The following ZC3HC1 variants were observed in gnomAD, a reference collection of about 807,000 sequenced individuals.
ZC3HC1 encodes zinc finger C3HC-type protein 1.
Under a neutral mutation model 61.9 loss-of-function variants are expected in ZC3HC1, and 38 were observed. That is an observed-to-expected ratio of 0.61 (90% CI 0.47 to 0.81). The LOEUF (loss-of-function observed/expected upper bound fraction) is 0.81. Ranked by LOEUF, ZC3HC1 falls within the 30% of genes least tolerant of loss-of-function variation. The probability of loss-of-function intolerance (pLI) is 0.00; values close to 1 mark genes in which losing one functional copy is unlikely to be tolerated. For missense variants in ZC3HC1, 554 were observed against 622.7 expected, an observed-to-expected ratio of 0.89 and a Z score of 1.17; for synonymous variants, 213 against 229.9, an observed-to-expected ratio of 0.93 and a Z score of 0.67.
At position 130,024,325 on chromosome 7, in the gene ZC3HC1, C is replaced by G. The variant is rs760810708; in HGVS notation, c.958G>C (p.Glu320Gln). The change falls in exon 7 of 10, where the codon GAA becomes CAA. Residue 320 changes from glutamate (E) to glutamine (Q), a missense_variant. Coordinates refer to ENST00000358303, the MANE Select transcript of ZC3HC1 (RefSeq NM_016478.5). The part of the protein sequence containing the change: ...GRPERLPLVP[E>Q]SPRRMMTRSQ... ...CGGGTCATCATCCTCCGAGGAGATTCAGGCACCAGAGGTAAGCGCTCTGGT... is the reference window on the plus strand; with the variant it reads ...CGGGTCATCATCCTCCGAGGAGATTGAGGCACCAGAGGTAAGCGCTCTGGT... The G allele has an allele frequency of 6.2e-7, 1 of 1,613,998 alleles. No homozygotes were observed. The highest frequency in any genetic ancestry group is 8.5e-7 in the Non-Finnish European group (1 of 1,180,022).
intron 2 of ZC3HC1, among the ~76,000 whole-genome samples, chr7:130,048,097 A>G (rs1794935396): frequency 6.6e-6 from 1 of 151,448 alleles, no homozygotes; most frequent in Non-Finnish European, 1.5e-5. Context: ...GAATCCTGCC[A>G]ACAGTATGCC....
At position 130,049,133 on chromosome 7, in the gene ZC3HC1, G is replaced by A; in HGVS notation, c.158C>T (p.Ser53Phe). The A allele has an allele frequency of 6.3e-7, 1 of 1,596,844 alleles. No homozygotes were observed. Among genetic ancestry groups the A allele is most frequent in the South Asian group, 1.2e-5 (1 of 86,804 alleles). ...TCCATTAACTGACTGGGATGTGGCA[G>A]ACGTGTCCTTCCTAATATAAAGTGG... is the stretch of plus-strand genomic sequence containing the variant. ...EEGGVDAKDT[S>F]ATSQSVNGSP... Residue 53 changes from serine to phenylalanine, a missense_variant, in exon 2 of 10, where the codon TCT becomes TTT. Coordinates refer to ENST00000358303, the MANE Select transcript of ZC3HC1 (RefSeq NM_016478.5).
In ZC3HC1 at chr7:130,024,312, C is replaced by T. The variant is rs1793785482; in HGVS notation, c.971G>A (p.Arg324Lys). The T allele has an allele frequency of 6.2e-7, 1 of 1,613,954 alleles. No individual in the cohort carries two copies. The highest frequency in any genetic ancestry group is 1.7e-5 in the Admixed American group (1 of 59,962). ...RLPLVPESPR[R>K]MMTRSQDATF... ...GGCATCCTGGCTCCGGGTCATCATC[C>T]TCCGAGGAGATTCAGGCACCAGAGG... Residue 324 changes from arginine to lysine, a missense_variant, in exon 7 of 10, where the codon AGG becomes AAG. Arg to Lys is a conservative substitution (Grantham distance 26). Transcript: ENST00000358303.
rs147795472 is a variant in ZC3HC1 at position 130,035,139 on chromosome 7, T to C, written c.493+4325A>G. Among the ~76,000 whole-genome samples the C allele has an allele frequency of 1.4e-4, 22 of 152,130 alleles. No individual in the cohort carries two copies. In the East Asian group the frequency reaches 3.9e-3, roughly 27 times the overall value. ...GCACAGTGGTTCACGCTTGTAATCA[T>C]AGCACTTTGGGAGGCCGAGGAGAGT... On this transcript the variant is annotated intron_variant, in intron 4 of 9. Transcript: ENST00000358303.
intron 2 of ZC3HC1, among the ~76,000 whole-genome samples, chr7:130,042,124 G>A (rs1477774962): frequency 2.6e-5 from 4 of 151,700 alleles, no homozygotes; most frequent in Non-Finnish European, 4.4e-5. Flanking sequence ...GCAACACGGC[G>A]ACACCTCATC....
rs1793917052 is a variant in ZC3HC1 at position 130,026,513 on chromosome 7, G to T, written c.622-201C>A. The T allele has an allele frequency of 1.5e-5, 7 of 467,362 alleles. 1 individual carries two copies. In the South Asian group the frequency reaches 2.9e-4, roughly 20 times the overall value. 29.0% of individuals were successfully genotyped at this position (467,362 alleles called of 1,614,324 possible). On this transcript the variant is annotated intron_variant, in intron 5 of 9. Transcript: ENST00000358303. ...AAGCTTTCTGAATTGCCCTGAATCT[G>T]CTGACTGAGAAAGATGGAGTCTCCC...
chr7:130,049,885 G>T (rs1795009209), intron 1 of ZC3HC1, among the ~76,000 whole-genome samples: 2 of 148,888 alleles, frequency 1.3e-5, no homozygotes, highest in Non-Finnish European at 3.0e-5. Flanking sequence ...AAACAATTTT[G>T]ATATTTCTAC....
intron 4 of ZC3HC1, among the ~76,000 whole-genome samples, chr7:130,029,762 A>G (rs188504946): frequency 8.5e-4 from 130 of 152,296 alleles, no homozygotes; most frequent in South Asian, 4.6e-3. Context: ...AACAGAACAG[A>G]GTTAGTGGAG....
chr7:130,048,301 C>A (rs1161633961), intron 2 of ZC3HC1, among the ~76,000 whole-genome samples: 1 of 151,970 alleles, frequency 6.6e-6, no homozygotes, highest in Non-Finnish European at 1.5e-5. Context: ...AAGTGAGCAC[C>A]ACCACACCTG....
intron 4 of ZC3HC1, among the ~76,000 whole-genome samples, chr7:130,034,537 C>A (rs951087977): frequency 6.8e-6 from 1 of 147,578 alleles, no homozygotes; most frequent in Admixed American, 6.8e-5. Flanking sequence ...CTCTGTCATG[C>A]AGGCTGGAAG....
At chr7:130,047,610 T>G (rs1880621) in intron 2 of ZC3HC1, among the ~76,000 whole-genome samples, 1 of 151,250 alleles carries the variant, frequency 6.6e-6, no homozygotes, top group Non-Finnish European at 1.5e-5. Context: ...GTTCGAGACC[T>G]GCCTGGGCAA....
At chr7:130,048,143 G>GTTTTTTTTTTTTTTTTTTTTTTTTT (rs11364921) in intron 2 of ZC3HC1, among the ~76,000 whole-genome samples, 1 of 73,736 alleles carries the variant, frequency 1.4e-5, no homozygotes. Context: ...TTTCCTAGTT[G>GTTTTTTTTTTTTTTTTTTTTTTTTT]TTTTTTTTTT....
intron 9 of ZC3HC1, among the ~76,000 whole-genome samples, chr7:130,019,522 C>T (rs76464208): frequency 0.02 from 3,025 of 152,270 alleles, 84 homozygotes; most frequent in African/African-American, 0.068. Flanking sequence ...TGGTCTTCAC[C>T]GCTTTTATGT....
intron 2 of ZC3HC1, among the ~76,000 whole-genome samples, chr7:130,044,153 T>G (rs1794784065): frequency 6.6e-6 from 1 of 152,124 alleles, no homozygotes; most frequent in South Asian, 2.1e-4. Context: ...GGCATCCCAC[T>G]AGCTATGAGT....
At chr7:130,028,871 G>A in intron 5 of ZC3HC1, 31 bp downstream of exon 5, 2 of 1,603,256 alleles carry the variant, frequency 1.2e-6, no homozygotes. Flanking sequence ...AACAACTGGA[G>A]GCCATTGCAG....
At chr7:130,018,997 T>C (rs1469453690) in intron 9 of ZC3HC1, among the ~76,000 whole-genome samples, 1 of 152,114 alleles carries the variant, frequency 6.6e-6, no homozygotes, top group Non-Finnish European at 1.5e-5. Flanking sequence ...ATCTTTGTAC[T>C]TGAGGATGAC....
chr7:130,046,233 G>A (rs191862323), intron 2 of ZC3HC1, among the ~76,000 whole-genome samples: 46 of 152,240 alleles, frequency 3.0e-4, no homozygotes, highest in African/African-American at 1.1e-3. Flanking sequence ...GATCTGTGCA[G>A]TAAACCACCA....
At chr7:130,037,940 C>T (rs181376974) in intron 4 of ZC3HC1, among the ~76,000 whole-genome samples, 1 of 152,260 alleles carries the variant, frequency 6.6e-6, no homozygotes, top group East Asian at 1.9e-4. Flanking sequence ...CAGGAATATG[C>T]CTATGTGATC....
intron 1 of ZC3HC1, among the ~76,000 whole-genome samples, chr7:130,050,822 C>A (rs1167159459): frequency 6.6e-6 from 1 of 152,194 alleles, no homozygotes; most frequent in South Asian, 2.1e-4. Flanking sequence ...TCCAATCTAA[C>A]TGGTTTCCTT....
Sources: gnomAD v4.1 joint callset for allele counts (sites outside exome capture counted in the v4.1 genomes callset) on GRCh38, gnomAD v4.1.1 for gene constraint, MANE v1.5 for transcripts, NCBI Gene and HGNC (gene_info 2026-07-23, HGNC 2026-07-21) for gene names.